BUB1B: variants seen among roughly 807,000 people sequenced by gnomAD.
The protein encoded by BUB1B is BUB1 mitotic checkpoint serine/threonine kinase B, also known as mitotic checkpoint serine/threonine-protein kinase BUB1 beta.
A neutral mutation model predicts 137.7 loss-of-function variants in BUB1B; 86 were observed. The observed-to-expected ratio is 0.62, with a 90% CI of 0.52 to 0.75. The LOEUF (loss-of-function observed/expected upper bound fraction) is 0.75. Among genes scored for constraint, BUB1B ranks in the 30% least tolerant of loss-of-function variants. The pLI, the probability that BUB1B is intolerant of heterozygous loss-of-function variation, is 0.00. For synonymous variants in BUB1B, 420 were observed against 417.9 expected, an observed-to-expected ratio of 1.00 and a Z score of -0.06; for missense variants, 1,130 against 1,236.9, an observed-to-expected ratio of 0.91 and a Z score of 1.30.
At chr15:40,206,586 T>A in intron 15 of BUB1B, 128 bp downstream of exon 15, 2 of 1,174,714 alleles carry the variant, frequency 1.7e-6, no homozygotes, top group Non-Finnish European at 2.5e-6. Flanking sequence ...GTGCTTTACA[T>A]GAGAGTAGGG....
At chr15:40,176,382 G>T in intron 4 of BUB1B, 95 bp from the exon 5 acceptor site, 2 of 1,109,556 alleles carry the variant, frequency 1.8e-6, no homozygotes, top group Non-Finnish European at 2.7e-6. Flanking sequence ...TTTCAATACA[G>T]GAATTGCATG....
chr15:40,171,940 A>T (rs1566816473), intron 4 of BUB1B, among the ~76,000 whole-genome samples: 1 of 152,118 alleles, frequency 6.6e-6, no homozygotes, highest in African/African-American at 2.4e-5. Context: ...TTAAAAAAAT[A>T]AACAATAAAT....
At chr15:40,194,798 A>G (rs1468626783) in intron 8 of BUB1B, among the ~76,000 whole-genome samples, 1 of 152,080 alleles carries the variant, frequency 6.6e-6, no homozygotes, top group African/African-American at 2.4e-5. Flanking sequence ...ATTCTTTTGG[A>G]TACTAAACCA....
At position 40,212,554 on chromosome 15, in the gene BUB1B, G is replaced by A. The variant is rs28989182; in HGVS notation, c.2441G>A (p.Arg814His). ...DFYINLKLKE[R>H]LNEDFDHFCS... ...TATATCAACCTCAAGTTAAAGGAAC[G>A]TTTAAATGAAGATTTTGATCATTTT... is the stretch of plus-strand genomic sequence containing the variant. The change falls in exon 19 of 23, where the codon CGT (arginine) becomes CAT (histidine). Residue 814 changes from arginine (R) to histidine (H), a missense_variant. Transcript: ENST00000287598. 1.8e-5 allele frequency: 29 copies of A among 1,612,728 alleles called. No individual in the cohort carries two copies. The highest frequency in any genetic ancestry group is 2.2e-5 in the East Asian group (1 of 44,828).
chr15:40,194,123 T>C (rs1303253583), intron 8 of BUB1B, among the ~76,000 whole-genome samples: 3 of 152,232 alleles, frequency 2.0e-5, no homozygotes, highest in Non-Finnish European at 4.4e-5. Flanking sequence ...TTCATTTTCT[T>C]TTTTCCCCTT....
intron 2 of BUB1B, chr15:40,166,451 T>C (rs768427824): frequency 2.8e-6 from 1 of 360,268 alleles, no homozygotes; most frequent in South Asian, 2.0e-5. Flanking sequence ...GCCAATCTCC[T>C]GCCTCAGCCT....
chr15:40,201,546 CA>C (rs1372122560), intron 12 of BUB1B, among the ~76,000 whole-genome samples: 13 of 152,266 alleles, frequency 8.5e-5, no homozygotes, highest in Middle Eastern at 3.4e-3. Flanking sequence ...GTTTGTTCAA[CA>C]AAAATTCCCC....
intron 19 of BUB1B, 120 bp downstream of exon 19, chr15:40,212,768 A>G: frequency 1.1e-6 from 1 of 922,096 alleles, no homozygotes; most frequent in Non-Finnish European, 1.6e-6. Context: ...ATTCAAGTAT[A>G]AGTTAGAAGC....
At chr15:40,200,614 C>T in intron 11 of BUB1B, among the ~76,000 whole-genome samples, 1 of 152,198 alleles carries the variant, frequency 6.6e-6, no homozygotes, top group Admixed American at 6.5e-5. Flanking sequence ...ATTTCTACCA[C>T]TAAGAGATGA....
At chr15:40,184,475 T>C (rs756724803) in intron 6 of BUB1B, among the ~76,000 whole-genome samples, 100 of 152,160 alleles carry the variant, frequency 6.6e-4, no homozygotes, top group Non-Finnish European at 9.6e-4. Flanking sequence ...TGGACAACAC[T>C]GACTATTTTT....
In BUB1B at chr15:40,204,987, C is replaced by T. The variant is rs560184615; in HGVS notation, c.1735-1197C>T. ...TTTGAGACTGAGTTTCACTCTTGCA[C>T]TCAGGCTGGAGTGAAGTGGCGTGAT... is the stretch of plus-strand genomic sequence containing the variant. On this transcript the variant is annotated intron_variant, in intron 14 of 22. Transcript: ENST00000287598. 3.5e-5 allele frequency among the ~76,000 whole-genome samples: 5 copies of T among 141,296 alleles called. No homozygotes were observed. The East Asian group carries it at 8.1e-4, about 23-fold the overall frequency. 92.7% of individuals were successfully genotyped at this position (141,296 alleles called of 152,430 possible).
chr15:40,202,448 A>G lies in BUB1B; in HGVS notation c.1611A>G (p.Ser537=), dbSNP rs1595529407. The G allele has an allele frequency of 3.7e-6, 6 of 1,611,738 alleles. No individual in the cohort carries two copies. Among genetic ancestry groups the G allele is most frequent in the Non-Finnish European group, 5.1e-6 (6 of 1,179,120 alleles). The part of the protein sequence containing the change: ...PFSIFDEFLL[S]EKKNKSPPAD... Reference sequence around the variant, plus strand: ...CCATTTTTGATGAGTTTCTTCTTTCAGAAAAGAAGAATAAAAGGTACGTTG... The same window carrying G: ...CCATTTTTGATGAGTTTCTTCTTTCGGAAAAGAAGAATAAAAGGTACGTTG... The change falls in exon 13 of 23, where the codon TCA becomes TCG. Residue 537 remains serine, a synonymous_variant. Coordinates refer to ENST00000287598, the MANE Select transcript of BUB1B (RefSeq NM_001211.6).
intron 4 of BUB1B, among the ~76,000 whole-genome samples, chr15:40,173,365 A>T (rs1314672729): frequency 6.6e-6 from 1 of 151,220 alleles, no homozygotes; most frequent in African/African-American, 2.4e-5. Context: ...CCAGGATTCT[A>T]TGATTATATT....
chr15:40,194,402 G>A (rs971875711), intron 8 of BUB1B, among the ~76,000 whole-genome samples: 1 of 152,162 alleles, frequency 6.6e-6, no homozygotes, highest in African/African-American at 2.4e-5. Context: ...GGACATCCTT[G>A]TCTTGTTCCT....
intron 8 of BUB1B, among the ~76,000 whole-genome samples, chr15:40,189,236 T>C (rs1224524616): frequency 6.6e-6 from 1 of 152,234 alleles, no homozygotes; most frequent in African/African-American, 2.4e-5. Flanking sequence ...CTCTGCTCAC[T>C]GCAACCTTCG....
intron 4 of BUB1B, among the ~76,000 whole-genome samples, chr15:40,176,181 C>A (rs191164558): frequency 6.6e-6 from 1 of 152,232 alleles, no homozygotes; most frequent in East Asian, 1.9e-4. Context: ...AAACTCCTAA[C>A]CTCAAGCGAT....
At chr15:40,209,996 ATAC>A (rs554174239) in intron 17 of BUB1B, 111 bp from the exon 18 acceptor site, 71 of 1,004,392 alleles carry the variant, frequency 7.1e-5, no homozygotes, top group Non-Finnish European at 1.0e-4. Context: ...AGTATTCTAG[ATAC>A]TACTAACTGG....
chr15:40,215,643 C>T (rs147056562), intron 20 of BUB1B, among the ~76,000 whole-genome samples: 5 of 152,162 alleles, frequency 3.3e-5, no homozygotes, highest in African/African-American at 1.2e-4. Flanking sequence ...GTGGCAGGTG[C>T]CTGTAGTCCC....
At chr15:40,205,544 A>C (rs959178583) in intron 14 of BUB1B, among the ~76,000 whole-genome samples, 1 of 152,234 alleles carries the variant, frequency 6.6e-6, no homozygotes, top group African/African-American at 2.4e-5. Context: ...AGGATTTATA[A>C]AGATTTATGT....
Sources: gnomAD v4.1 joint callset for allele counts (sites outside exome capture counted in the v4.1 genomes callset) on GRCh38, gnomAD v4.1.1 for gene constraint, MANE v1.5 for transcripts, NCBI Gene and HGNC (gene_info 2026-07-23, HGNC 2026-07-21) for gene names.